NLGN4X: variants seen among roughly 807,000 people sequenced by gnomAD.
NLGN4X encodes the protein neuroligin 4 X-linked, also known as neuroligin-4, X-linked.
NLGN4X carries 3 observed loss-of-function variants against 40.3 expected under a neutral mutation model. That is an observed-to-expected ratio of 0.07 (90% CI 0.03 to 0.19). The LOEUF (loss-of-function observed/expected upper bound fraction) is 0.19, where lower values mean the gene tolerates loss of function less well. NLGN4X is among the 10% of genes least tolerant of loss of function. NLGN4X has a pLI of 1.00. For missense variants in NLGN4X, 382 were observed against 708.3 expected, an observed-to-expected ratio of 0.54 and a Z score of 5.23; for synonymous variants, 270 against 306.8, an observed-to-expected ratio of 0.88 and a Z score of 1.25.
chrX:5,930,468 CA>C (rs1174730288), intron 3 of NLGN4X, among the ~76,000 whole-genome samples: 2 of 112,058 alleles, frequency 1.8e-5, no homozygotes, highest in Non-Finnish European at 1.9e-5. Context: ...GTGCCTTTCA[CA>C]AGCCCTTGGT....
chrX:5,938,226 G>A (rs1427676790), intron 3 of NLGN4X, among the ~76,000 whole-genome samples: 2 of 111,586 alleles, frequency 1.8e-5, no homozygotes, highest in African/African-American at 6.5e-5. Flanking sequence ...TTCATGTTAG[G>A]ATTTGGGTTC....
chrX:6,076,960 C>T (rs1393768273), intron 2 of NLGN4X, among the ~76,000 whole-genome samples: 1 of 112,002 alleles, frequency 8.9e-6, no homozygotes, highest in African/African-American at 3.2e-5. Context: ...ATCATCTGTG[C>T]TCAGACCATA....
chrX:6,069,304 TAAATA>T (rs1467428367), intron 2 of NLGN4X, among the ~76,000 whole-genome samples: 1 of 105,193 alleles, frequency 9.5e-6, no homozygotes, highest in Non-Finnish European at 2.0e-5. Flanking sequence ...AAAAAAAAAT[TAAATA>T]AAAGTAGACA....
chrX:6,085,741 C>T (rs1409532108), intron 2 of NLGN4X, among the ~76,000 whole-genome samples: 1 of 112,301 alleles, frequency 8.9e-6, no homozygotes, highest in African/African-American at 3.2e-5. Context: ...TATGTGTTTT[C>T]AATACTGCTT....
At chrX:6,197,453 T>TTTTTTTTTTTTTTTTTTTTTTTG (rs1327294621) in intron 1 of NLGN4X, among the ~76,000 whole-genome samples, 1 of 106,628 alleles carries the variant, frequency 9.4e-6, no homozygotes, top group Non-Finnish European at 1.9e-5. Flanking sequence ...GTATTTTTTA[T>TTTTTTTTTTTTTTTTTTTTTTTG]AGAGACGGAG....
At chrX:5,931,042 G>C (rs2033527633) in intron 3 of NLGN4X, among the ~76,000 whole-genome samples, 1 of 111,250 alleles carries the variant, frequency 9.0e-6, no homozygotes, top group African/African-American at 3.3e-5. Flanking sequence ...CATAATCAGG[G>C]GATATTATAT....
At chrX:6,138,223 A>G (rs1312598879) in intron 2 of NLGN4X, among the ~76,000 whole-genome samples, 1 of 112,263 alleles carries the variant, frequency 8.9e-6, no homozygotes, top group East Asian at 2.8e-4. Flanking sequence ...CCAAGGGTTT[A>G]ATGCATTTGA....
At chrX:6,104,665 G>A (rs1458649714) in intron 2 of NLGN4X, among the ~76,000 whole-genome samples, 1 of 111,321 alleles carries the variant, frequency 9.0e-6, no homozygotes, top group African/African-American at 3.3e-5. Flanking sequence ...TAGATGATCA[G>A]ACTGGAGTTA....
chrX:6,122,465 T>C lies in NLGN4X; in HGVS notation c.472+28530A>G, dbSNP rs2147583687. ...TATTGGTCAGGCTGGTCTTGAACTC[T>C]TCAGATGATCCACCTGCCTCGGCCT... is the stretch of plus-strand genomic sequence containing the variant. On this transcript the variant is annotated intron_variant, in intron 2 of 5. Coordinates refer to ENST00000381095, the MANE Select transcript of NLGN4X (RefSeq NM_181332.3). 1.8e-5 allele frequency among the ~76,000 whole-genome samples: 2 copies of C among 110,133 alleles called. 1 individual carries two copies. Among genetic ancestry groups the C allele is most frequent in the South Asian group, 7.9e-4 (2 of 2,533 alleles).
intron 2 of NLGN4X, among the ~76,000 whole-genome samples, chrX:6,091,121 G>A (rs768541452): frequency 9.0e-6 from 1 of 110,553 alleles, no homozygotes; most frequent in South Asian, 3.9e-4. Context: ...TGGAGAAAAT[G>A]AACAGAGGGA....
intron 1 of NLGN4X, among the ~76,000 whole-genome samples, chrX:6,170,774 G>A (rs2040589621): frequency 1.8e-5 from 2 of 111,639 alleles, no homozygotes; most frequent in Admixed American, 1.9e-4. Flanking sequence ...ATTATTTTTA[G>A]ATATTACCTA....
intron 3 of NLGN4X, among the ~76,000 whole-genome samples, chrX:6,026,955 T>C (rs1331143199): frequency 9.0e-6 from 1 of 111,470 alleles, no homozygotes; most frequent in Non-Finnish European, 1.9e-5. Flanking sequence ...TTGATACAAC[T>C]GAGCTTTAGG....
At chrX:5,913,879 G>A (rs2032637895) in intron 3 of NLGN4X, among the ~76,000 whole-genome samples, 1 of 111,642 alleles carries the variant, frequency 9.0e-6, no homozygotes, top group African/African-American at 3.3e-5. Flanking sequence ...TCATGATAGT[G>A]AATAAGTGTC....
At chrX:5,930,360 G>C (rs1315001668) in intron 3 of NLGN4X, among the ~76,000 whole-genome samples, 1 of 111,873 alleles carries the variant, frequency 8.9e-6, no homozygotes, top group African/African-American at 3.3e-5. Context: ...CCTTATACCA[G>C]CAGGGACCCT....
At chrX:6,024,015 T>TG (rs2036619233) in intron 3 of NLGN4X, among the ~76,000 whole-genome samples, 2 of 110,866 alleles carry the variant, frequency 1.8e-5, no homozygotes, top group Non-Finnish European at 3.8e-5. Flanking sequence ...AAAAACAGAT[T>TG]GGGGAGAACT....
intron 3 of NLGN4X, among the ~76,000 whole-genome samples, chrX:5,976,161 C>A (rs896717518): frequency 8.9e-6 from 1 of 112,492 alleles, no homozygotes; most frequent in Non-Finnish European, 1.9e-5. Flanking sequence ...TCTTCTCTGA[C>A]TTTAATAATC....
At chrX:6,059,444 T>C (rs181885316) in intron 2 of NLGN4X, among the ~76,000 whole-genome samples, 1 of 111,779 alleles carries the variant, frequency 8.9e-6, no homozygotes, top group Non-Finnish European at 1.9e-5. Context: ...TTACAACATC[T>C]GTGTTGCCTT....
At chrX:5,960,949 C>A (rs1569155021) in intron 3 of NLGN4X, among the ~76,000 whole-genome samples, 1 of 111,794 alleles carries the variant, frequency 8.9e-6, no homozygotes, top group African/African-American at 3.2e-5. Context: ...AAAATATTCA[C>A]ATTAATAATA....
chrX:5,964,014 T>C (rs183883681), intron 3 of NLGN4X, among the ~76,000 whole-genome samples: 1 of 112,041 alleles, frequency 8.9e-6, no homozygotes, highest in African/African-American at 3.2e-5. Context: ...ATGCAAAGTG[T>C]ATGAGAGTTA....
Sources: gnomAD v4.1 joint callset for allele counts (sites outside exome capture counted in the v4.1 genomes callset) on GRCh38, gnomAD v4.1.1 for gene constraint, MANE v1.5 for transcripts, NCBI Gene and HGNC (gene_info 2026-07-23, HGNC 2026-07-21) for gene names.